Variants in IRAK1BP1 observed in about 807,000 individuals in gnomAD.
IRAK1BP1 encodes the protein interleukin-1 receptor-associated kinase 1-binding protein 1.
Under a neutral mutation model 28.0 loss-of-function variants are expected in IRAK1BP1, and 24 were observed. The observed-to-expected ratio is 0.86, with a 90% CI of 0.62 to 1.20. The LOEUF (loss-of-function observed/expected upper bound fraction) is 1.20, where lower values mean the gene tolerates loss of function less well. Among genes scored for constraint, IRAK1BP1 ranks in the 50% most tolerant of loss-of-function variants. The pLI is 0.00. For missense variants in IRAK1BP1, 336 were observed against 316.7 expected (o/e 1.06, Z -0.46); for synonymous variants, 131 against 116.3 (o/e 1.13, Z -0.81).
chr6:78,967,153 G>C, the IRAK1BP1 span, among the ~76,000 whole-genome samples: 1 of 152,058 alleles, frequency 6.6e-6, no homozygotes, highest in African/African-American at 2.4e-5. Flanking sequence ...CATATAGCAT[G>C]AAATGAATTA....
At chr6:78,912,276 A>G (rs906928447) in intron 4 of IRAK1BP1, among the ~76,000 whole-genome samples, 3 of 152,184 alleles carry the variant, frequency 2.0e-5, no homozygotes, top group African/African-American at 7.2e-5. Flanking sequence ...AAGAGGGACA[A>G]GAGTAGGTTC....
downstream of IRAK1BP1, among the ~76,000 whole-genome samples, chr6:78,904,308 T>A (rs1047664158): frequency 6.6e-5 from 10 of 152,220 alleles, no homozygotes; most frequent in Admixed American, 6.5e-4. Flanking sequence ...GCTTATTGGA[T>A]CAGCTATAAG....
chr6:78,926,796 G>A (rs1219382900), intron 4 of IRAK1BP1, among the ~76,000 whole-genome samples: 1 of 151,988 alleles, frequency 6.6e-6, no homozygotes, highest in Non-Finnish European at 1.5e-5. Flanking sequence ...AAGAACATAT[G>A]ATGTTTGTCT....
intron 1 of IRAK1BP1, among the ~76,000 whole-genome samples, 190 bp downstream of exon 1, chr6:78,868,081 A>G (rs1034754547): frequency 6.6e-6 from 1 of 152,240 alleles, no homozygotes; most frequent in African/African-American, 2.4e-5. Flanking sequence ...TTCTTCTCCT[A>G]GACGAAGGTA....
At chr6:78,870,005 A>G (rs964215674) in intron 1 of IRAK1BP1, among the ~76,000 whole-genome samples, 1 of 145,820 alleles carries the variant, frequency 6.9e-6, no homozygotes, top group Non-Finnish European at 1.5e-5. Context: ...GTTACTTGTG[A>G]GGCTGAGGCA....
At position 78,900,268 on chromosome 6, in the gene IRAK1BP1, T is replaced by C. The variant is rs1772050212; in HGVS notation, c.*1934T>C. 6.6e-6 allele frequency: 1 copy of C among 152,240 alleles called. No homozygotes were observed. The highest frequency in any genetic ancestry group is 2.1e-4 in the South Asian group (1 of 4,832). The allele number at this position is 152,240 out of a possible 1,614,324, so 9.4% of individuals were successfully genotyped here. On this transcript the variant is annotated 3_prime_UTR_variant, in exon 4 of 4. Transcript: ENST00000369940. The stretch of plus-strand genomic sequence containing the variant: ...ACTGCTATCTACAGTAAGAATTACA[T>C]TTTATCTACAGGCAATCATAAGCCA...
At chr6:78,959,223 T>C in the IRAK1BP1 span, among the ~76,000 whole-genome samples, 1 of 152,126 alleles carries the variant, frequency 6.6e-6, no homozygotes. Context: ...AGGACAACTT[T>C]TGAGAATATT....
chr6:78,936,753 C>A (rs1008585074), intron 4 of IRAK1BP1: 7 of 151,826 alleles, frequency 4.6e-5, no homozygotes, highest in Non-Finnish European at 7.4e-5. Context: ...TTACAGTCTT[C>A]TGACTCAATT....
chr6:78,970,346 T>C, the IRAK1BP1 span, among the ~76,000 whole-genome samples: 17,342 of 151,950 alleles, frequency 0.11, 1,239 homozygotes, highest in African/African-American at 0.18. Flanking sequence ...CTTTATAGTA[T>C]GCAAGTTACA....
chr6:78,971,379 T>C, the IRAK1BP1 span, among the ~76,000 whole-genome samples: 3 of 152,238 alleles, frequency 2.0e-5, no homozygotes, highest in East Asian at 1.9e-4. Context: ...GACTACTGTC[T>C]TGGAGAACTA....
chr6:78,891,818 G>A (rs1360607426), intron 2 of IRAK1BP1, among the ~76,000 whole-genome samples: 11 of 152,200 alleles, frequency 7.2e-5, no homozygotes, highest in Non-Finnish European at 1.5e-4. Context: ...GTATCAGGAA[G>A]CAAAAGTAGT....
intron 4 of IRAK1BP1, chr6:78,945,316 T>C: frequency 6.2e-7 from 1 of 1,610,134 alleles, no homozygotes; most frequent in Non-Finnish European, 8.5e-7. Context: ...CAATGACAGC[T>C]GATGACTTTG....
Position 78,867,672 on chromosome 6 carries a change from G to T in IRAK1BP1, c.96G>T (p.Glu32Asp). ...SRENNLASGR[E>D]TLPGLRHPLS... ...AGAACAACCTGGCCTCAGGGAGAGAGACGCTACCGGGCTTACGCCACCCCC... is the reference window on the plus strand; with the variant it reads ...AGAACAACCTGGCCTCAGGGAGAGATACGCTACCGGGCTTACGCCACCCCC... The change falls in exon 1 of 4, where the codon GAG becomes GAT. Residue 32 changes from glutamate (E) to aspartate (D), a missense_variant. Physicochemically the swap from Glu to Asp is conservative, Grantham distance 45. Transcript: ENST00000369940. 1 of 1,614,258 alleles carries T rather than the reference G, an allele frequency of 6.2e-7. No homozygotes were observed. The highest frequency in any genetic ancestry group is 8.5e-7 in the Non-Finnish European group (1 of 1,180,058).
chr6:78,940,373 T>A (rs1161468418), intron 4 of IRAK1BP1: 1 of 151,678 alleles, frequency 6.6e-6, no homozygotes, highest in African/African-American at 2.4e-5. Context: ...TTTCTATAAA[T>A]AAATCAGGAA....
the IRAK1BP1 span, among the ~76,000 whole-genome samples, chr6:78,974,740 A>G: frequency 6.6e-6 from 1 of 152,226 alleles, no homozygotes; most frequent in South Asian, 2.1e-4. Flanking sequence ...GAATACTACA[A>G]ACACTTCTAC....
Position 78,898,197 on chromosome 6 carries a change from G to C in IRAK1BP1, c.646G>C (p.Asp216His), listed in dbSNP as rs1771965035. 6.2e-7 allele frequency: 1 copy of C among 1,613,548 alleles called. No individual in the cohort carries two copies. ...AACAAAAGAATGGGAAGGCCAAATA[G>C]ATGATCACCAGTCATCCAGACTCTC... ...EETKEWEGQI[D>H]DHQSSRLSSS... The change falls in exon 4 of 4, where the codon GAT becomes CAT. Residue 216 changes from aspartate to histidine, a missense_variant. Asp to His is a moderately conservative substitution (Grantham distance 81). Transcript: ENST00000369940.
At chr6:78,908,191 CA>C (rs1251508227) in intron 4 of IRAK1BP1, among the ~76,000 whole-genome samples, 2 of 151,746 alleles carry the variant, frequency 1.3e-5, no homozygotes, top group Non-Finnish European at 2.9e-5. Context: ...GCTGGGAATA[CA>C]GGTGCCCGCC....
intron 4 of IRAK1BP1, among the ~76,000 whole-genome samples, chr6:78,933,963 C>T (rs887658713): frequency 6.6e-6 from 1 of 152,174 alleles, no homozygotes; most frequent in Non-Finnish European, 1.5e-5. Context: ...TGGCTTTTGA[C>T]ATGCCTTTTT....
At chr6:78,927,831 A>G (rs1772933879) in intron 4 of IRAK1BP1, among the ~76,000 whole-genome samples, 1 of 152,146 alleles carries the variant, frequency 6.6e-6, no homozygotes, top group Non-Finnish European at 1.5e-5. Context: ...TTTGTCAAAA[A>G]TGAGTTCACT....
Sources: gnomAD v4.1 joint callset for allele counts (sites outside exome capture counted in the v4.1 genomes callset) on GRCh38, gnomAD v4.1.1 for gene constraint, MANE v1.5 for transcripts, NCBI Gene and HGNC (gene_info 2026-07-23, HGNC 2026-07-21) for gene names.